IPP: variants seen among roughly 807,000 people sequenced by gnomAD.
IPP encodes actin-binding protein IPP.
IPP carries 41 observed loss-of-function variants against 64.1 expected under a neutral mutation model. That is an observed-to-expected ratio of 0.64 (90% CI 0.50 to 0.83). The LOEUF (loss-of-function observed/expected upper bound fraction) is 0.83. Ranked by LOEUF, IPP falls within the 40% of genes least tolerant of loss-of-function variation. IPP has a pLI of 0.00. For missense variants in IPP, 649 were observed against 703.0 expected (o/e 0.92, Z 0.87); for synonymous variants, 214 against 235.2 (o/e 0.91, Z 0.83).
intron 3 of IPP, among the ~76,000 whole-genome samples, chr1:45,737,246 T>C (rs1428640920): frequency 6.6e-6 from 1 of 151,988 alleles, no homozygotes; most frequent in East Asian, 1.9e-4. Context: ...TTTCTCTCCC[T>C]TGTTTAAACA....
intron 3 of IPP, among the ~76,000 whole-genome samples, chr1:45,736,804 C>G (rs1224145012): frequency 6.6e-6 from 1 of 151,714 alleles, no homozygotes; most frequent in Non-Finnish European, 1.5e-5. Flanking sequence ...CTTTGGGAGG[C>G]CAAGGAGGGT....
intron 2 of IPP, among the ~76,000 whole-genome samples, chr1:45,745,389 G>A (rs1646120562): frequency 1.3e-5 from 2 of 151,852 alleles, no homozygotes; most frequent in African/African-American, 4.8e-5. Context: ...AACAAAATAG[G>A]GGTTTATTTA....
At chr1:45,738,266 C>T (rs1646006322) in intron 3 of IPP, among the ~76,000 whole-genome samples, 1 of 152,032 alleles carries the variant, frequency 6.6e-6, no homozygotes, top group Non-Finnish European at 1.5e-5. Flanking sequence ...CATTTCAGCT[C>T]TTATGCTATA....
At chr1:45,712,569 A>T (rs1187526625) in intron 8 of IPP, among the ~76,000 whole-genome samples, 2 of 151,942 alleles carry the variant, frequency 1.3e-5, no homozygotes, top group African/African-American at 4.8e-5. Flanking sequence ...TAAAAAAGAA[A>T]AAAAAGGCCG....
intron 8 of IPP, among the ~76,000 whole-genome samples, chr1:45,713,468 G>A (rs1224197204): frequency 6.6e-6 from 1 of 152,020 alleles, no homozygotes; most frequent in East Asian, 1.9e-4. Flanking sequence ...GTTGAGGCAG[G>A]AGAATTGCTT....
chr1:45,695,456 C>T (rs138304385), downstream of IPP, among the ~76,000 whole-genome samples: 133 of 152,246 alleles, frequency 8.7e-4, no homozygotes, highest in African/African-American at 3.1e-3. Context: ...CCACTGCACC[C>T]AGTGCAGAAG....
At chr1:45,694,644 G>A, downstream of IPP, 2 of 613,002 alleles carry the variant, frequency 3.3e-6, no homozygotes, top group South Asian at 4.0e-5. Flanking sequence ...AAAGTCAGTA[G>A]GGAGCAGTGT....
chr1:45,724,950 C>T (rs1331006236), intron 5 of IPP, among the ~76,000 whole-genome samples: 7 of 145,522 alleles, frequency 4.8e-5, no homozygotes, highest in Admixed American at 1.3e-4. Context: ...CTCCTCTGCC[C>T]GGCCGCCCCT....
At chr1:45,696,627 A>C (rs1645390321), downstream of IPP, 1 of 152,156 alleles carries the variant, frequency 6.6e-6, no homozygotes, top group Admixed American at 6.5e-5. Flanking sequence ...CAAAAAATAC[A>C]AAATTAGCTG....
chr1:45,736,777 T>C (rs1233797238), intron 3 of IPP, among the ~76,000 whole-genome samples: 1 of 151,838 alleles, frequency 6.6e-6, no homozygotes, highest in Non-Finnish European at 1.5e-5. Flanking sequence ...CGGTGGCTCA[T>C]GACTGTAATC....
intron 3 of IPP, among the ~76,000 whole-genome samples, chr1:45,730,259 G>GGAGT (rs1383235251): frequency 2.0e-5 from 3 of 152,034 alleles, no homozygotes; most frequent in Non-Finnish European, 4.4e-5. Context: ...GGTTCATGTG[G>GGAGT]GAGTACCACT....
In IPP at chr1:45,747,834, CAAAAAAAAAAAAAAAAAAAA is replaced by C. The variant is rs60576414; in HGVS notation, c.-50-1393_-50-1374del. Among the ~76,000 whole-genome samples, 8 of 39,300 alleles carry C rather than the reference CAAAAAAAAAAAAAAAAAAAA, an allele frequency of 2.0e-4. No homozygotes were observed. In the East Asian group the frequency reaches 5.7e-3, roughly 28 times the overall value. The allele number at this position is 39,300 out of a possible 152,430, so 25.8% of individuals were successfully genotyped here. A position where few individuals can be genotyped will look rare whatever the true frequency, so the allele number is the denominator to read the frequency against. ...TGGGTAACAGAGCAAGACTCTGTCTCAAAAAAAAAAAAAAAAAAAAAAAAAAAAAAAAACCATGAGATCCT... is the reference window on the plus strand; with the variant it reads ...TGGGTAACAGAGCAAGACTCTGTCTCAAAAAAAAAAAAACCATGAGATCCT... On this transcript the variant is annotated intron_variant, in intron 1 of 8. Transcript: ENST00000396478.
chr1:45,713,600 T>A (rs923115053), intron 8 of IPP, among the ~76,000 whole-genome samples: 3 of 151,852 alleles, frequency 2.0e-5, no homozygotes, highest in African/African-American at 7.3e-5. Context: ...GGTCTCTTGC[T>A]GTTACCGAGG....
chr1:45,728,157 TGTGTGTGTGTG>T lies in IPP; in HGVS notation c.881-370_881-360del, dbSNP rs1236893796. Among the ~76,000 whole-genome samples the T allele has an allele frequency of 4.6e-4, 70 of 151,214 alleles. 1 individual carries two copies. The highest frequency in any genetic ancestry group is 1.5e-3 in the African/African-American group (63 of 41,128). Reference sequence around the variant, plus strand: ...GTGTGTGTGTGTGTGTGTGTGTGTGTGTGTGTGTGTGTGTGTTTGAGGCAGGGTTTCACTCT... The same window carrying T: ...GTGTGTGTGTGTGTGTGTGTGTGTGTTGTGTTTGAGGCAGGGTTTCACTCT... On this transcript the variant is annotated intron_variant, in intron 4 of 8. Transcript: ENST00000396478.
chr1:45,706,496 C>T (rs189015550), intron 8 of IPP, among the ~76,000 whole-genome samples: 1 of 152,206 alleles, frequency 6.6e-6, no homozygotes, highest in East Asian at 1.9e-4. Flanking sequence ...GTTGCCCAGG[C>T]TGGAGTGCAA....
At position 45,702,309 on chromosome 1, in the gene IPP, CA is replaced by C. The variant is rs539770674; in HGVS notation, c.1531-2120del. On this transcript the variant is annotated intron_variant, in intron 8 of 8. Transcript: ENST00000396478. ...ATTTGCTTTTTATCCCATGTTACCT[CA>C]AAAAAAAAAAAACTCTGTAAGAACA... 1.9e-3 allele frequency among the ~76,000 whole-genome samples: 263 copies of C among 136,606 alleles called. 1 individual carries two copies. Among genetic ancestry groups the C allele is most frequent in the East Asian group, 1.0e-2 (48 of 4,802 alleles). The allele number at this position is 136,606 out of a possible 152,430, so 89.6% of individuals were successfully genotyped here. A position where few individuals can be genotyped will look rare whatever the true frequency, so the allele number is the denominator to read the frequency against.
chr1:45,713,787 G>A (rs116511330), intron 8 of IPP, among the ~76,000 whole-genome samples: 8,414 of 152,140 alleles, frequency 0.055, 762 homozygotes, highest in African/African-American at 0.19. Context: ...TTGAACTCCT[G>A]GGCTCAAGCT....
chr1:45,718,654 T>G (rs1424286044), intron 6 of IPP, among the ~76,000 whole-genome samples: 2 of 152,106 alleles, frequency 1.3e-5, no homozygotes, highest in African/African-American at 2.4e-5. Flanking sequence ...TTAAAGCCAG[T>G]TGGTTTTTAA....
chr1:45,721,933 G>C (rs1645737623), intron 5 of IPP, among the ~76,000 whole-genome samples: 1 of 152,174 alleles, frequency 6.6e-6, no homozygotes, highest in African/African-American at 2.4e-5. Flanking sequence ...GCCAGGCGCG[G>C]TGGTGCGTGT....
Sources: allele counts gnomAD v4.1 joint callset (sites outside exome capture counted in the v4.1 genomes callset), GRCh38; gene constraint gnomAD v4.1.1; transcripts MANE v1.5; gene names NCBI Gene and HGNC (gene_info 2026-07-23, HGNC 2026-07-21).